Variants in CDH4 observed in about 807,000 individuals in gnomAD.
The protein encoded by CDH4 is cadherin 4, also known as cadherin-4.
Under a neutral mutation model 86.0 loss-of-function variants are expected in CDH4, and 33 were observed. That is an observed-to-expected ratio of 0.38 (90% CI 0.29 to 0.51). The LOEUF is 0.51. Ranked by LOEUF, CDH4 falls within the 20% of genes least tolerant of loss-of-function variation. The pLI is 0.86. For missense variants in CDH4, 1,114 were observed against 1,307.4 expected (o/e 0.85, Z 2.28); for synonymous variants, 555 against 549.4 (o/e 1.01, Z -0.14).
intron 4 of CDH4, among the ~76,000 whole-genome samples, chr20:61,795,075 AG>A (rs1979453360): frequency 2.5e-4 from 1 of 4,080 alleles, no homozygotes; most frequent in Non-Finnish European, 5.3e-4. Context: ...TATAATGGTG[AG>A]GGTGATGATG....
At chr20:61,720,588 G>A in intron 2 of CDH4, among the ~76,000 whole-genome samples, 1 of 151,436 alleles carries the variant, frequency 6.6e-6, no homozygotes, top group African/African-American at 2.4e-5. Flanking sequence ...ACAGAGTAGG[G>A]GTGTACAGTG....
At chr20:61,375,517 G>A (rs1441364004) in intron 2 of CDH4, among the ~76,000 whole-genome samples, 3 of 149,436 alleles carry the variant, frequency 2.0e-5, no homozygotes, top group Non-Finnish European at 4.5e-5. Context: ...GGTGATGATG[G>A]TGTGGTTTGT....
intron 2 of CDH4, among the ~76,000 whole-genome samples, chr20:61,564,025 C>A (rs2086243079): frequency 6.6e-6 from 1 of 152,108 alleles, no homozygotes; most frequent in Non-Finnish European, 1.5e-5. Flanking sequence ...TCTGTCCGTC[C>A]CTCAATGCAC....
At chr20:61,824,825 T>C (rs1268694501) in intron 4 of CDH4, among the ~76,000 whole-genome samples, 1 of 152,188 alleles carries the variant, frequency 6.6e-6, no homozygotes, top group Non-Finnish European at 1.5e-5. Flanking sequence ...CCATGTGCCT[T>C]GTAAGAACAG....
At chr20:61,257,604 A>G (rs2084105779) in intron 2 of CDH4, among the ~76,000 whole-genome samples, 2 of 152,218 alleles carry the variant, frequency 1.3e-5, no homozygotes, top group African/African-American at 4.8e-5. Context: ...TTTTTAGGAT[A>G]ATTCACTTAT....
chr20:61,748,730 T>C (rs1316088899), intron 3 of CDH4, among the ~76,000 whole-genome samples: 3 of 152,096 alleles, frequency 2.0e-5, no homozygotes, highest in African/African-American at 7.2e-5. Context: ...TTCTCAAAAA[T>C]GATGGAAATA....
chr20:61,471,237 C>T, intron 2 of CDH4, among the ~76,000 whole-genome samples: 1 of 151,972 alleles, frequency 6.6e-6, no homozygotes, highest in East Asian at 1.9e-4. Context: ...AGATTTTCTT[C>T]ATGATTAAAT....
At chr20:61,768,528 G>A (rs1465890017) in intron 3 of CDH4, among the ~76,000 whole-genome samples, 1 of 152,126 alleles carries the variant, frequency 6.6e-6, no homozygotes, top group African/African-American at 2.4e-5. Context: ...CAGGCACCAG[G>A]GAAAATCAGC....
At chr20:61,387,053 A>T (rs2145458750) in intron 2 of CDH4, among the ~76,000 whole-genome samples, 1 of 152,356 alleles carries the variant, frequency 6.6e-6, no homozygotes, top group African/African-American at 2.4e-5. Flanking sequence ...TATATTTTGC[A>T]ATTTTGTTTA....
At chr20:61,458,368 A>T (rs1439634917) in intron 2 of CDH4, among the ~76,000 whole-genome samples, 1 of 136,124 alleles carries the variant, frequency 7.3e-6, no homozygotes, top group East Asian at 2.1e-4. Flanking sequence ...TGTGGTGGTC[A>T]TGGTGGTGAT....
chr20:61,549,228 C>T (rs559678961), intron 2 of CDH4, among the ~76,000 whole-genome samples: 3 of 152,082 alleles, frequency 2.0e-5, no homozygotes, highest in Non-Finnish European at 4.4e-5. Flanking sequence ...TAGCAATTGG[C>T]GTGAAATACG....
intron 2 of CDH4, among the ~76,000 whole-genome samples, chr20:61,415,204 C>T (rs1196564771): frequency 6.6e-6 from 1 of 152,206 alleles, no homozygotes; most frequent in Non-Finnish European, 1.5e-5. Flanking sequence ...CCCCCTACCC[C>T]AGACCTGCCG....
intron 5 of CDH4, among the ~76,000 whole-genome samples, chr20:61,846,887 A>C (rs1454038495): frequency 6.6e-6 from 1 of 151,972 alleles, no homozygotes; most frequent in East Asian, 1.9e-4. Context: ...GGGTCAGCCC[A>C]CTTCTCCCTG....
At chr20:61,793,792 T>C (rs1348241053) in intron 4 of CDH4, among the ~76,000 whole-genome samples, 8 of 139,744 alleles carry the variant, frequency 5.7e-5, no homozygotes, top group African/African-American at 1.6e-4. Flanking sequence ...TGAGCCGAGA[T>C]CACGCCACTG....
At chr20:61,841,699 G>A (rs112181696) in intron 4 of CDH4, among the ~76,000 whole-genome samples, 3 of 60,554 alleles carry the variant, frequency 5.0e-5, no homozygotes, top group African/African-American at 9.3e-5. Context: ...GGTGCATTGC[G>A]GGGGGGAACA....
chr20:61,859,608 A>G (rs188094878), intron 6 of CDH4, among the ~76,000 whole-genome samples: 1 of 152,122 alleles, frequency 6.6e-6, no homozygotes, highest in Admixed American at 6.5e-5. Context: ...TTTTTTGCTC[A>G]TCTCCATATT....
chr20:61,909,440 G>A (rs535263843), intron 8 of CDH4, among the ~76,000 whole-genome samples: 2 of 152,212 alleles, frequency 1.3e-5, no homozygotes, highest in Non-Finnish European at 2.9e-5. Flanking sequence ...AGCTTGCAAG[G>A]TTCCTGCAAC....
chr20:61,396,692 G>A (rs1011159723), intron 2 of CDH4, among the ~76,000 whole-genome samples: 2 of 152,082 alleles, frequency 1.3e-5, no homozygotes, highest in African/African-American at 2.4e-5. Flanking sequence ...CACGTTTCTC[G>A]GCTCACAGTT....
intron 2 of CDH4, among the ~76,000 whole-genome samples, chr20:61,706,144 C>T (rs907927218): frequency 6.6e-5 from 10 of 152,198 alleles, no homozygotes; most frequent in Admixed American, 2.6e-4. Flanking sequence ...GACGCCTGCC[C>T]GGCGCCTGCT....
Sources: allele counts gnomAD v4.1 joint callset (sites outside exome capture counted in the v4.1 genomes callset), GRCh38; gene constraint gnomAD v4.1.1; transcripts MANE v1.5; gene names NCBI Gene and HGNC (gene_info 2026-07-23, HGNC 2026-07-21).